LINS1: variants seen among roughly 807,000 people sequenced by gnomAD.
LINS1 encodes the protein protein Lines homolog 1.
A neutral mutation model predicts 41.6 loss-of-function variants in LINS1; 27 were observed. The ratio of observed to expected loss-of-function variants is 0.65; its 90% CI spans 0.48 to 0.89. The LOEUF (loss-of-function observed/expected upper bound fraction) is 0.89, where lower values mean the gene tolerates loss of function less well. Ranked by LOEUF, LINS1 falls within the 40% of genes least tolerant of loss-of-function variation. LINS1 has a pLI of 0.00. For synonymous variants in LINS1, 336 were observed against 312.9 expected (o/e 1.07, Z -0.78); for missense variants, 955 against 884.1 (o/e 1.08, Z -1.02).
chr15:100,600,214 C>A (rs941303498), intron 1 of LINS1, among the ~76,000 whole-genome samples: 1 of 152,034 alleles, frequency 6.6e-6, no homozygotes, highest in African/African-American at 2.4e-5. Flanking sequence ...GTTGAAGAAG[C>A]AAAAAGAGAA....
At chr15:100,601,222 T>C (rs1304563976) in intron 1 of LINS1, among the ~76,000 whole-genome samples, 2 of 152,226 alleles carry the variant, frequency 1.3e-5, no homozygotes, top group Non-Finnish European at 2.9e-5. Flanking sequence ...TATAAAATAA[T>C]TCCTAAAACT....
chr15:100,588,226 G>A (rs908324812), intron 1 of LINS1, among the ~76,000 whole-genome samples: 1 of 152,230 alleles, frequency 6.6e-6, no homozygotes, highest in East Asian at 1.9e-4. Flanking sequence ...TATTCAAGAT[G>A]GCCCAGCCAA....
rs150280970 is a variant in LINS1 at position 100,580,576 on chromosome 15, C to G, written c.267G>C (p.Met89Ile). The G allele has an allele frequency of 6.2e-7, 1 of 1,613,988 alleles. No homozygotes were observed. Among genetic ancestry groups the G allele is most frequent in the South Asian group, 1.1e-5 (1 of 91,072 alleles). The change falls in exon 2 of 7, where the codon ATG becomes ATC. Residue 89 changes from methionine (M) to isoleucine (I), a missense_variant. Physicochemically the swap from Met to Ile is conservative, Grantham distance 10. Coordinates refer to ENST00000314742, the MANE Select transcript of LINS1 (RefSeq NM_001040616.3). ...NSQMSGSREVMLLQLTVIKVM... is the reference protein window; with the variant it reads ...NSQMSGSREVILLQLTVIKVM... ...CTTTGATCACTGTTAACTGAAGGAG[C>G]ATTACTTCTCTGGAACCGCTCATCT...
intron 5 of LINS1, chr15:100,572,781 G>A (rs1236132909): frequency 1.0e-6 from 1 of 975,098 alleles, no homozygotes; most frequent in South Asian, 4.7e-5. Context: ...GAACTCCTGA[G>A]TTACTATTCT....
intron 1 of LINS1, chr15:100,586,435 C>T (rs1484285850): frequency 1.3e-5 from 2 of 152,122 alleles, no homozygotes; most frequent in Non-Finnish European, 2.9e-5. Context: ...ATATCTGGGT[C>T]ATTTCCAATA....
At chr15:100,572,130 A>T (rs1301825619) in intron 5 of LINS1, 65 bp from the exon 6 acceptor site, 2 of 1,590,588 alleles carry the variant, frequency 1.3e-6, no homozygotes, top group East Asian at 4.6e-5. Context: ...TCTTGCCTAT[A>T]TATAAATTCA....
rs772714613 is a variant in LINS1, at chr15:100,580,757, A to T, written c.86T>A (p.Ile29Asn). Reference protein sequence around the residue: ...ATLENDSHDYIFYLNPAVSDQ... With the variant: ...ATLENDSHDYNFYLNPAVSDQ... ...TGAAACTGCTGGGTTGAGATAAAAG[A>T]TGTAATCATGGCTGTCATTTTCAAG... is the stretch of plus-strand genomic sequence containing the variant. The change falls in exon 2 of 7, where the codon ATC becomes AAC. Residue 29 changes from isoleucine (I) to asparagine (N), a missense_variant. By Grantham distance (149) the Ile-to-Asn change is moderately radical (BLOSUM62 -3). Transcript: ENST00000314742. 1 of 1,610,034 alleles carries T rather than the reference A, an allele frequency of 6.2e-7. No homozygotes were observed. The highest frequency in any genetic ancestry group is 8.5e-7 in the Non-Finnish European group (1 of 1,176,898).
chr15:100,597,201 C>T (rs528704559), intron 1 of LINS1, among the ~76,000 whole-genome samples: 1 of 152,282 alleles, frequency 6.6e-6, no homozygotes, highest in Non-Finnish European at 1.5e-5. Context: ...AAGAACCTGA[C>T]CTGGCCTACT....
Position 100,580,915 on chromosome 15 carries a change from A to G in LINS1, c.-73T>C, listed in dbSNP as rs951584809. On this transcript the variant is annotated 5_prime_UTR_variant, in exon 2 of 7. Transcript: ENST00000314742. ...GTAAACATTAAATCTCAGAAGTGCA[A>G]TGAATCTCTAAGAAGTTTCTTCAGT... is the stretch of plus-strand genomic sequence containing the variant. 6.5e-6 allele frequency: 9 copies of G among 1,375,860 alleles called. No individual in the cohort carries two copies. The highest frequency in any genetic ancestry group is 7.0e-6 in the Non-Finnish European group (7 of 994,234). The allele number at this position is 1,375,860 out of a possible 1,614,324, so 85.2% of individuals were successfully genotyped here. A position where few individuals can be genotyped will look rare whatever the true frequency, so the allele number is the denominator to read the frequency against.
intron 1 of LINS1, among the ~76,000 whole-genome samples, chr15:100,586,856 A>G (rs1274656074): frequency 4.6e-5 from 7 of 152,164 alleles, no homozygotes; most frequent in Admixed American, 4.6e-4. Flanking sequence ...TGATTAAAAT[A>G]AAGTAAGTAT....
At chr15:100,576,185 T>A (rs1217260540) in intron 3 of LINS1, among the ~76,000 whole-genome samples, 1 of 151,992 alleles carries the variant, frequency 6.6e-6, no homozygotes, top group African/African-American at 2.4e-5. Flanking sequence ...AGAGCAGAAC[T>A]GAAGGAGATA....
chr15:100,577,115 A>C (rs2038231520), intron 3 of LINS1, among the ~76,000 whole-genome samples: 1 of 152,222 alleles, frequency 6.6e-6, no homozygotes, highest in Non-Finnish European at 1.5e-5. Context: ...GAAAACTGGC[A>C]CAAGACAGGG....
chr15:100,595,198 C>T (rs79883704), intron 1 of LINS1, among the ~76,000 whole-genome samples: 13,715 of 151,898 alleles, frequency 0.09, 761 homozygotes, highest in Non-Finnish European at 0.13. Flanking sequence ...ACTGATAAAC[C>T]GGAACTCAGC....
intron 1 of LINS1, among the ~76,000 whole-genome samples, chr15:100,582,485 G>A (rs909469700): frequency 7.5e-6 from 1 of 133,928 alleles, no homozygotes; most frequent in African/African-American, 2.9e-5. Context: ...GTCTTACATT[G>A]GGTCTTCTGT....
At chr15:100,573,327 A>G (rs1208340667) in intron 5 of LINS1, 9 of 1,038,322 alleles carry the variant, frequency 8.7e-6, no homozygotes, top group South Asian at 3.4e-5. Context: ...AAAAAAAAAA[A>G]GGATTAATAT....
At chr15:100,580,380 C>T (rs1359241570) in intron 2 of LINS1, 28 bp from the exon 3 acceptor site, 1 of 1,604,168 alleles carries the variant, frequency 6.2e-7, no homozygotes, top group East Asian at 2.2e-5. Flanking sequence ...TAATTAACCA[C>T]TATTGCTGAA....
rs1449360142 is a variant in LINS1, at chr15:100,568,289, A to G, written c.*949T>C. The G allele has an allele frequency of 6.6e-6, 1 of 152,216 alleles. No individual in the cohort carries two copies. The highest frequency in any genetic ancestry group is 1.5e-5 in the Non-Finnish European group (1 of 68,042). 9.4% of individuals were successfully genotyped at this position (152,216 alleles called of 1,614,324 possible). On this transcript the variant is annotated 3_prime_UTR_variant, in exon 7 of 7. Coordinates refer to ENST00000314742, the MANE Select transcript of LINS1 (RefSeq NM_001040616.3). Reference sequence around the variant, plus strand: ...AAGGAAATAGTAACTGTATTTGGTTAGTGACTCTCCTGGATTCAAGTCCAT... The same window carrying G: ...AAGGAAATAGTAACTGTATTTGGTTGGTGACTCTCCTGGATTCAAGTCCAT...
chr15:100,588,385 A>T (rs117811731), intron 1 of LINS1, among the ~76,000 whole-genome samples: 2,376 of 152,380 alleles, frequency 0.016, 38 homozygotes, highest in Non-Finnish European at 0.022. Context: ...TGTGTGTATA[A>T]TATAAAAGAG....
At chr15:100,599,750 C>T (rs1429212443) in intron 1 of LINS1, among the ~76,000 whole-genome samples, 1 of 152,134 alleles carries the variant, frequency 6.6e-6, no homozygotes, top group Non-Finnish European at 1.5e-5. Flanking sequence ...TGAACTTGTA[C>T]ATTATATTTG....
Sources: gnomAD v4.1 joint callset for allele counts (sites outside exome capture counted in the v4.1 genomes callset) on GRCh38, gnomAD v4.1.1 for gene constraint, MANE v1.5 for transcripts, NCBI Gene and HGNC (gene_info 2026-07-23, HGNC 2026-07-21) for gene names.